POLQ: variants seen among roughly 807,000 people sequenced by gnomAD.
POLQ encodes DNA polymerase theta.
In POLQ, 233 loss-of-function variants were observed where a neutral mutation model predicts 259.2. That is an observed-to-expected ratio of 0.90 (90% confidence interval 0.81 to 1.00). The LOEUF (loss-of-function observed/expected upper bound fraction) is 1.00. Ranked by LOEUF, POLQ falls within the 50% of genes least tolerant of loss-of-function variation. The pLI, the probability that POLQ is intolerant of heterozygous loss-of-function variation, is 0.00. For missense variants in POLQ, 2,871 were observed against 3,051.6 expected (o/e 0.94, Z 1.39); for synonymous variants, 1,025 against 1,048.8 (o/e 0.98, Z 0.44).
rs761630032 is a variant in POLQ at position 121,519,939 on chromosome 3, C to A, written c.1400G>T (p.Arg467Leu). 3.7e-6 allele frequency: 6 copies of A among 1,612,032 alleles called. No homozygotes were observed. In the Admixed American group the frequency reaches 1.0e-4, roughly 27 times the overall value. The change falls in exon 9 of 30, where the codon CGA becomes CTA. Residue 467 changes from arginine to leucine, a missense_variant. Arg to Leu is a moderately radical substitution (Grantham distance 102). Around this residue, in one of 3 missense-constraint regions of POLQ, gnomAD observed 783 missense variants for 906.2 expected, o/e 0.86. Transcript: ENST00000264233. ...VIIRTPIFGG[R>L]PLDILTYKQM... ...CTTATAAGTAAGAATATCTAGAGGT[C>A]GACCACCAAAAATAGGGGTTCGAAT... is the stretch of plus-strand genomic sequence containing the variant.
intron 19 of POLQ, among the ~76,000 whole-genome samples, chr3:121,477,498 G>C (rs2047936296): frequency 6.6e-6 from 1 of 152,052 alleles, no homozygotes. Context: ...AAACACTTCT[G>C]GTCCCACATT....
At chr3:121,529,395 C>T (rs2048395104) in intron 7 of POLQ, among the ~76,000 whole-genome samples, 1 of 152,138 alleles carries the variant, frequency 6.6e-6, no homozygotes, top group Non-Finnish European at 1.5e-5. Context: ...TGATAAAGAA[C>T]TATAGTATAT....
intron 18 of POLQ, among the ~76,000 whole-genome samples, chr3:121,482,083 G>A (rs943698947): frequency 2.0e-5 from 3 of 152,134 alleles, no homozygotes; most frequent in Non-Finnish European, 4.4e-5. Flanking sequence ...CAGTAGGCTT[G>A]AAAAACAAGT....
chr3:121,531,578 T>C (rs575261763), intron 6 of POLQ, among the ~76,000 whole-genome samples: 2 of 152,322 alleles, frequency 1.3e-5, no homozygotes, highest in Admixed American at 1.3e-4. Context: ...TGCAAGTTTC[T>C]GAGAAGAAGG....
intron 19 of POLQ, among the ~76,000 whole-genome samples, chr3:121,476,960 A>G (rs2047932604): frequency 6.6e-6 from 1 of 152,190 alleles, no homozygotes; most frequent in Non-Finnish European, 1.5e-5. Context: ...AGAGTAGAAG[A>G]GTCGGCAATC....
In POLQ at chr3:121,544,775, A is replaced by AC. The variant is rs1425614709; in HGVS notation, c.294dup (p.Cys99ValfsTer53). The AC allele has an allele frequency of 1.9e-6, 3 of 1,613,492 alleles. No homozygotes were observed. The highest frequency in any genetic ancestry group is 2.5e-6 in the Non-Finnish European group (3 of 1,179,600). On this transcript the variant is annotated frameshift_variant, in exon 2 of 30. Coordinates refer to ENST00000264233, the MANE Select transcript of POLQ (RefSeq NM_199420.4). LOFTEE classifies it high-confidence loss of function. ...TCCAGGACTTGTCCAAGCAAAAGGC[A>AC]CTCTGCCTGCCATTCAAACATCTTT...
intron 25 of POLQ, among the ~76,000 whole-genome samples, chr3:121,454,377 T>C (rs1216024516): frequency 6.6e-6 from 1 of 152,102 alleles, no homozygotes; most frequent in African/African-American, 2.4e-5. Flanking sequence ...AATTCACACA[T>C]AACAATATTA....
intron 28 of POLQ, among the ~76,000 whole-genome samples, chr3:121,435,041 G>A (rs1196486002): frequency 6.6e-6 from 1 of 152,152 alleles, no homozygotes; most frequent in African/African-American, 2.4e-5. Context: ...GCACACTCCT[G>A]TAATCCCAGC....
chr3:121,467,773 G>A, intron 23 of POLQ, 133 bp from the exon 24 acceptor site: 1 of 848,216 alleles, frequency 1.2e-6, no homozygotes, highest in East Asian at 2.6e-5. Flanking sequence ...GGGTGTGGTA[G>A]CTCACACCTG....
Sources: gnomAD v4.1 joint callset for allele counts (sites outside exome capture counted in the v4.1 genomes callset) on GRCh38, gnomAD v4.1.1 for gene constraint, gnomAD v4.1.1 regional missense constraint, MANE v1.5 for transcripts, NCBI Gene and HGNC (gene_info 2026-07-23, HGNC 2026-07-21) for gene names.